Variants in RGS6 observed in about 807,000 individuals in gnomAD.
RGS6 encodes regulator of G-protein signaling 6.
Under a neutral mutation model 78.5 loss-of-function variants are expected in RGS6, and 30 were observed. That is an observed-to-expected ratio of 0.38 (90% confidence interval 0.29 to 0.52). The LOEUF (loss-of-function observed/expected upper bound fraction) is 0.52. Among genes scored for constraint, RGS6 ranks in the 20% least tolerant of loss-of-function variants. The pLI, the probability that RGS6 is intolerant of heterozygous loss-of-function variation, is 0.85. For missense variants in RGS6, 495 were observed against 609.7 expected (o/e 0.81, Z 1.98); for synonymous variants, 206 against 206.0 (o/e 1.00, Z 0.00).
At chr14:72,514,292 G>A (rs1026030435) in intron 14 of RGS6, among the ~76,000 whole-genome samples, 2 of 152,132 alleles carry the variant, frequency 1.3e-5, no homozygotes, top group Non-Finnish European at 2.9e-5. Context: ...CTCTGGGAGC[G>A]AACCAAAAGC....
chr14:71,896,219 G>A, the RGS6 span, among the ~76,000 whole-genome samples: 1 of 152,178 alleles, frequency 6.6e-6, no homozygotes, highest in Admixed American at 6.5e-5. Context: ...GTGAAGGCAA[G>A]TTTATCAGGA....
At chr14:72,156,176 A>G (rs1276448946) in intron 2 of RGS6, among the ~76,000 whole-genome samples, 1 of 152,196 alleles carries the variant, frequency 6.6e-6, no homozygotes, top group Non-Finnish European at 1.5e-5. Flanking sequence ...GGCTGGGCGC[A>G]GTGGCTTACG....
chr14:71,911,619 CT>C, the RGS6 span, among the ~76,000 whole-genome samples: 1 of 152,322 alleles, frequency 6.6e-6, no homozygotes, highest in East Asian at 1.9e-4. Context: ...GCCTGGGGTA[CT>C]GATTAATCTG....
intron 2 of RGS6, among the ~76,000 whole-genome samples, chr14:72,133,299 C>G (rs2096367598): frequency 6.6e-6 from 1 of 151,718 alleles, no homozygotes; most frequent in African/African-American, 2.4e-5. Flanking sequence ...TTTTTCCTCT[C>G]TAATCTGCTG....
intron 3 of RGS6, among the ~76,000 whole-genome samples, chr14:72,430,136 G>T (rs944862966): frequency 6.6e-6 from 1 of 152,122 alleles, no homozygotes. Flanking sequence ...ATGCAACCTG[G>T]AGAAAATGCA....
intron 2 of RGS6, among the ~76,000 whole-genome samples, chr14:72,257,949 A>G (rs963264519): frequency 6.6e-6 from 1 of 152,262 alleles, no homozygotes; most frequent in African/African-American, 2.4e-5. Context: ...TAAAAACAAT[A>G]CTGAATTCAA....
the RGS6 span, among the ~76,000 whole-genome samples, chr14:72,586,197 G>A: frequency 6.6e-6 from 1 of 152,136 alleles, no homozygotes; most frequent in Non-Finnish European, 1.5e-5. Flanking sequence ...CTTGGATATG[G>A]TCTGTTTGGC....
At chr14:72,064,591 T>C (rs2094046693) in intron 2 of RGS6, among the ~76,000 whole-genome samples, 1 of 152,242 alleles carries the variant, frequency 6.6e-6, no homozygotes, top group South Asian at 2.1e-4. Context: ...ACTTAGTGAT[T>C]GTTAGATTCC....
intron 2 of RGS6, among the ~76,000 whole-genome samples, chr14:72,244,632 G>A (rs1206254484): frequency 1.3e-5 from 2 of 152,088 alleles, no homozygotes; most frequent in South Asian, 2.1e-4. Context: ...AAAAAAGAAC[G>A]AGACCTATTG....
chr14:72,079,585 C>T (rs535784647), intron 2 of RGS6, among the ~76,000 whole-genome samples: 2 of 152,152 alleles, frequency 1.3e-5, no homozygotes, highest in Non-Finnish European at 2.9e-5. Flanking sequence ...CAGCAACTTT[C>T]AAATACATTG....
chr14:72,035,113 C>G (rs2091490346), intron 2 of RGS6, among the ~76,000 whole-genome samples: 1 of 152,040 alleles, frequency 6.6e-6, no homozygotes, highest in African/African-American at 2.4e-5. Flanking sequence ...GGGCTCAGTA[C>G]TATTCAGGGT....
chr14:72,237,427 G>A (rs919723648), intron 2 of RGS6, among the ~76,000 whole-genome samples: 1 of 152,034 alleles, frequency 6.6e-6, no homozygotes, highest in African/African-American at 2.4e-5. Context: ...TGTATATATT[G>A]CCCTGGCACA....
At chr14:72,145,099 C>T (rs1258812728) in intron 2 of RGS6, among the ~76,000 whole-genome samples, 3 of 151,994 alleles carry the variant, frequency 2.0e-5, no homozygotes, top group African/African-American at 7.2e-5. Flanking sequence ...TGGGTGGTGT[C>T]AGCTGATCCA....
At chr14:72,607,640 GC>G in the RGS6 span, among the ~76,000 whole-genome samples, 1 of 152,222 alleles carries the variant, frequency 6.6e-6, no homozygotes, top group African/African-American at 2.4e-5. Flanking sequence ...CAGATGAAAG[GC>G]CTGAATGTGG....
intron 2 of RGS6, among the ~76,000 whole-genome samples, chr14:72,346,572 G>A (rs888008902): frequency 6.6e-6 from 1 of 152,218 alleles, no homozygotes; most frequent in African/African-American, 2.4e-5. Context: ...AGATCTCAGA[G>A]ACCTGGCTTC....
intron 2 of RGS6, among the ~76,000 whole-genome samples, chr14:72,136,587 A>G (rs764071108): frequency 5.3e-5 from 8 of 152,146 alleles, no homozygotes; most frequent in Non-Finnish European, 8.8e-5. Context: ...ACTCATTTCC[A>G]TGAGAACAGT....
chr14:72,491,750 G>A (rs141599537), intron 12 of RGS6, among the ~76,000 whole-genome samples: 56 of 152,248 alleles, frequency 3.7e-4, no homozygotes, highest in Middle Eastern at 3.4e-3. Flanking sequence ...CTACATGTTG[G>A]GGGCAGAAGT....
At chr14:72,134,390 C>T (rs1255819124) in intron 2 of RGS6, among the ~76,000 whole-genome samples, 2 of 152,184 alleles carry the variant, frequency 1.3e-5, no homozygotes, top group Non-Finnish European at 1.5e-5. Context: ...GCACATATTC[C>T]TTCTGGAGTT....
intron 2 of RGS6, among the ~76,000 whole-genome samples, chr14:72,130,837 A>G (rs1371854701): frequency 6.6e-6 from 1 of 152,258 alleles, no homozygotes; most frequent in African/African-American, 2.4e-5. Context: ...ACGTATACAT[A>G]AACGGATGAA....
Sources: gnomAD v4.1 joint callset for allele counts (sites outside exome capture counted in the v4.1 genomes callset) on GRCh38, gnomAD v4.1.1 for gene constraint, MANE v1.5 for transcripts, NCBI Gene and HGNC (gene_info 2026-07-23, HGNC 2026-07-21) for gene names.